SGK1: variants seen among roughly 807,000 people sequenced by gnomAD.
SGK1 encodes the protein serine/threonine-protein kinase Sgk1.
Under a neutral mutation model 64.2 loss-of-function variants are expected in SGK1, and 26 were observed. The ratio of observed to expected loss-of-function variants is 0.40; its 90% CI spans 0.30 to 0.56. SGK1 has a LOEUF of 0.56. SGK1 is among the 20% of genes least tolerant of loss of function. SGK1 has a pLI of 0.38. For missense variants in SGK1, 519 were observed against 645.6 expected, an observed-to-expected ratio of 0.80 and a Z score of 2.12; for synonymous variants, 265 against 239.7, an observed-to-expected ratio of 1.11 and a Z score of -0.98.
At chr6:134,171,874 C>T (rs1487598666) in intron 10 of SGK1, 142 bp from the exon 11 acceptor site, 2 of 651,552 alleles carry the variant, frequency 3.1e-6, no homozygotes, top group Non-Finnish European at 2.7e-6. Flanking sequence ...GATAAAACTG[C>T]TGGACTTTTT....
intron 2 of SGK1, among the ~76,000 whole-genome samples, chr6:134,213,123 A>G (rs751738504): frequency 4.6e-5 from 7 of 152,198 alleles, no homozygotes; most frequent in Admixed American, 1.3e-4. Context: ...TTTAAGCACA[A>G]GTTTATAGAA....
At chr6:134,194,532 T>C (rs1004305494) in intron 3 of SGK1, among the ~76,000 whole-genome samples, 3 of 151,668 alleles carry the variant, frequency 2.0e-5, no homozygotes, top group African/African-American at 7.3e-5. Flanking sequence ...TTTTTTTTTT[T>C]TTTTGAGACG....
intron 1 of SGK1, chr6:134,297,907 G>T: frequency 1.2e-6 from 1 of 808,414 alleles, no homozygotes; most frequent in South Asian, 1.3e-5. Flanking sequence ...CTCCGGCTGC[G>T]GTTGGTGATC....
At chr6:134,182,150 G>A (rs1207071241) in intron 3 of SGK1, among the ~76,000 whole-genome samples, 1 of 152,138 alleles carries the variant, frequency 6.6e-6, no homozygotes, top group Non-Finnish European at 1.5e-5. Context: ...GAGCCACTGT[G>A]CCTAGCCATA....
At chr6:134,296,873 T>C in intron 1 of SGK1, 1 of 216,042 alleles carries the variant, frequency 4.6e-6, no homozygotes, top group Non-Finnish European at 9.4e-6. Context: ...GCACGTGGGC[T>C]GAGGGCTAGG....
At chr6:134,281,150 A>G (rs773186407) in intron 1 of SGK1, among the ~76,000 whole-genome samples, 5 of 152,332 alleles carry the variant, frequency 3.3e-5, no homozygotes, top group African/African-American at 7.2e-5. Context: ...AATCTGGATT[A>G]TAACCATGTT....
Position 134,317,444 on chromosome 6 carries a change from A to C in SGK1, c.17T>G (p.Met6Arg), listed in dbSNP as rs1373102660. 6.2e-7 allele frequency: 1 copy of C among 1,610,226 alleles called. No homozygotes were observed. Residue 6 changes from methionine (M) to arginine (R), a missense_variant, in exon 1 of 14, where the codon ATG (methionine) becomes AGG (arginine). Coordinates refer to ENST00000367858, the MANE Select transcript of SGK1 (RefSeq NM_001143676.3). ...GCATTTCTTGACTGGGAATCCATTC[A>C]TGTCTTTGTTTACCATTTTCCACCG... MVNKD[M>R]NGFPVKKCSA...
At chr6:134,313,601 T>C (rs1777637731) in intron 1 of SGK1, among the ~76,000 whole-genome samples, 1 of 151,666 alleles carries the variant, frequency 6.6e-6, no homozygotes, top group South Asian at 2.1e-4. Context: ...GAGTCCTGGC[T>C]TAACCTCATT....
intron 3 of SGK1, among the ~76,000 whole-genome samples, chr6:134,183,227 T>C (rs1027789809): frequency 3.3e-5 from 5 of 152,356 alleles, no homozygotes; most frequent in Admixed American, 2.6e-4. Context: ...TTTTGAAACA[T>C]GTATACAATG....
intron 1 of SGK1, among the ~76,000 whole-genome samples, chr6:134,275,998 G>A (rs1336881498): frequency 1.3e-5 from 2 of 152,164 alleles, no homozygotes. Context: ...TAAGGACTGA[G>A]ATATTATTTT....
chr6:134,239,792 C>T (rs896233243), intron 2 of SGK1, among the ~76,000 whole-genome samples: 2 of 152,176 alleles, frequency 1.3e-5, no homozygotes, highest in Non-Finnish European at 2.9e-5. Flanking sequence ...TTGCTCTAAC[C>T]TATCTGCAAA....
chr6:134,277,087 C>T (rs1196251068), intron 1 of SGK1, among the ~76,000 whole-genome samples: 1 of 151,212 alleles, frequency 6.6e-6, no homozygotes, highest in Non-Finnish European at 1.5e-5. Context: ...AACCAAAAAA[C>T]CCAGGGTGAG....
At chr6:134,247,077 A>T (rs948452940) in intron 2 of SGK1, among the ~76,000 whole-genome samples, 6 of 151,966 alleles carry the variant, frequency 3.9e-5, no homozygotes, top group African/African-American at 1.5e-4. Flanking sequence ...CAAAGTATTG[A>T]CGGGTCTTGT....
At chr6:134,314,541 ATT>A (rs1373257323) in intron 1 of SGK1, among the ~76,000 whole-genome samples, 2 of 152,234 alleles carry the variant, frequency 1.3e-5, no homozygotes, top group Non-Finnish European at 2.9e-5. Flanking sequence ...CACTTTGCAC[ATT>A]TAATAATGTT....
intron 2 of SGK1, among the ~76,000 whole-genome samples, chr6:134,219,786 G>C (rs1404391535): frequency 6.7e-6 from 1 of 149,082 alleles, no homozygotes; most frequent in African/African-American, 2.5e-5. Context: ...GAGGCCGGGC[G>C]CGGTGGCTCA....
At chr6:134,274,816 T>TTTCTA (rs1776995980) in intron 1 of SGK1, among the ~76,000 whole-genome samples, 1 of 151,878 alleles carries the variant, frequency 6.6e-6, no homozygotes, top group Non-Finnish European at 1.5e-5. Flanking sequence ...TTTCTTTTCT[T>TTTCTA]TTCTTTTGAG....
intron 3 of SGK1, among the ~76,000 whole-genome samples, chr6:134,181,819 T>C (rs1775335474): frequency 6.6e-6 from 1 of 152,178 alleles, no homozygotes; most frequent in South Asian, 2.1e-4. Context: ...GATGTCAGTC[T>C]AGTTGGCGAC....
intron 2 of SGK1, among the ~76,000 whole-genome samples, chr6:134,210,589 G>T (rs1289867744): frequency 1.3e-5 from 2 of 152,038 alleles, no homozygotes; most frequent in African/African-American, 4.8e-5. Context: ...ACTTTGGGAG[G>T]CCGAGGCGGG....
Position 134,206,569 on chromosome 6 carries a change from G to A in SGK1, c.361+787C>T, listed in dbSNP as rs926378637. Among the ~76,000 whole-genome samples the A allele has an allele frequency of 1.2e-4, 18 of 150,716 alleles. No individual in the cohort carries two copies. In the East Asian group the frequency reaches 3.3e-3, roughly 28 times the overall value. ...AAGACATAACAAAAGGACTTTTAGG[G>A]TAAAATTGATTGCAAGGCTAGGTAT... is the stretch of plus-strand genomic sequence containing the variant. On this transcript the variant is annotated intron_variant, in intron 3 of 13. Coordinates refer to ENST00000367858, the MANE Select transcript of SGK1 (RefSeq NM_001143676.3).
Sources: allele counts gnomAD v4.1 joint callset (sites outside exome capture counted in the v4.1 genomes callset), GRCh38; gene constraint gnomAD v4.1.1; transcripts MANE v1.5; gene names NCBI Gene and HGNC (gene_info 2026-07-23, HGNC 2026-07-21).